The following TCF4 variants were observed in gnomAD, a reference collection of about 807,000 sequenced individuals.
TCF4 encodes the protein transcription factor 4.
TCF4 carries 3 observed loss-of-function variants against 82.1 expected under a neutral mutation model. The observed-to-expected ratio is 0.04, with a 90% confidence interval of 0.02 to 0.09. The LOEUF (loss-of-function observed/expected upper bound fraction) is 0.09. Among genes scored for constraint, TCF4 ranks in the 10% least tolerant of loss-of-function variants. The pLI is 1.00. For missense variants in TCF4, 518 were observed against 852.7 expected (o/e 0.61, Z 4.89); for synonymous variants, 276 against 309.6 (o/e 0.89, Z 1.14).
chr18:55,407,450 G>A (rs191788593), intron 5 of TCF4, among the ~76,000 whole-genome samples: 3 of 152,146 alleles, frequency 2.0e-5, no homozygotes, highest in Admixed American at 6.5e-5. Flanking sequence ...CCCGTCTACA[G>A]AACAAGTCGG....
intron 2 of TCF4, among the ~76,000 whole-genome samples, chr18:55,618,862 C>T (rs1198585370): frequency 2.0e-5 from 3 of 151,982 alleles, no homozygotes; most frequent in Admixed American, 2.0e-4. Context: ...GCTGGGTTTA[C>T]AGGTGTGAGT....
intron 8 of TCF4, among the ~76,000 whole-genome samples, chr18:55,284,891 T>C (rs1455917420): frequency 6.6e-6 from 1 of 152,188 alleles, no homozygotes; most frequent in Non-Finnish European, 1.5e-5. Context: ...TGAGTGCCAC[T>C]GATGTCCACA....
At chr18:55,488,391 G>T (rs1053575550) in intron 3 of TCF4, among the ~76,000 whole-genome samples, 8 of 151,990 alleles carry the variant, frequency 5.3e-5, no homozygotes, top group East Asian at 1.9e-4. Context: ...AGTGAAATTG[G>T]TTTTTTTAAA....
intron 6 of TCF4, among the ~76,000 whole-genome samples, chr18:55,392,330 T>C (rs1370423167): frequency 1.3e-5 from 2 of 151,806 alleles, no homozygotes; most frequent in South Asian, 2.1e-4. Context: ...TCAATACTGC[T>C]ACTACAAGCC....
chr18:55,519,700 G>C (rs1468687318), intron 3 of TCF4, among the ~76,000 whole-genome samples: 2 of 152,154 alleles, frequency 1.3e-5, no homozygotes, highest in Admixed American at 6.5e-5. Flanking sequence ...AGATACTCTA[G>C]GACCTTCACA....
At chr18:55,253,101 G>A (rs1014282424) in intron 15 of TCF4, among the ~76,000 whole-genome samples, 3 of 152,178 alleles carry the variant, frequency 2.0e-5, no homozygotes, top group Non-Finnish European at 4.4e-5. Context: ...CATTTTAGAT[G>A]TGAGTTCGTT....
upstream of TCF4, chr18:55,588,211 C>G: frequency 2.3e-6 from 3 of 1,330,014 alleles, no homozygotes; most frequent in Non-Finnish European, 2.9e-6. Flanking sequence ...AGCCAAGATC[C>G]CTGACTCTTA....
intron 5 of TCF4, among the ~76,000 whole-genome samples, chr18:55,422,711 C>T (rs912552464): frequency 6.6e-6 from 1 of 151,962 alleles, no homozygotes; most frequent in Admixed American, 6.6e-5. Flanking sequence ...GGAATGAAAC[C>T]GATCCAATCT....
chr18:55,228,471 G>T, intron 18 of TCF4, 110 bp from the exon 19 acceptor site: 1 of 1,432,242 alleles, frequency 7.0e-7, no homozygotes, highest in Non-Finnish European at 9.7e-7. Flanking sequence ...TTATATTACA[G>T]AACAAAAGGA....
intron 5 of TCF4, among the ~76,000 whole-genome samples, chr18:55,411,467 T>C (rs1314537175): frequency 6.6e-6 from 1 of 152,170 alleles, no homozygotes. Flanking sequence ...TAGTTTTTCA[T>C]ATAAAAATGA....
chr18:55,472,690 T>A (rs2958179), intron 3 of TCF4, among the ~76,000 whole-genome samples: 9 of 152,128 alleles, frequency 5.9e-5, no homozygotes, highest in Non-Finnish European at 8.8e-5. Context: ...GTAAACATTG[T>A]GAATTGCGTG....
chr18:55,399,840 T>C (rs1388755202), intron 6 of TCF4, among the ~76,000 whole-genome samples: 8 of 149,940 alleles, frequency 5.3e-5, no homozygotes, highest in Non-Finnish European at 1.2e-4. Flanking sequence ...TCTCTCTCTC[T>C]CTCTCTCTCC....
intron 8 of TCF4, among the ~76,000 whole-genome samples, chr18:55,305,070 T>C (rs949818987): frequency 2.6e-5 from 4 of 152,178 alleles, no homozygotes; most frequent in African/African-American, 9.7e-5. Context: ...TCAGTACCCA[T>C]TAATAAATCT....
At chr18:55,275,236 ACT>A (rs1271239750) in intron 10 of TCF4, among the ~76,000 whole-genome samples, 1 of 138,154 alleles carries the variant, frequency 7.2e-6, no homozygotes, top group East Asian at 2.2e-4. Flanking sequence ...ACCGACTGTC[ACT>A]CTGCCCTCTG....
chr18:55,585,986 G>C, intron 2 of TCF4: 2 of 1,332,364 alleles, frequency 1.5e-6, no homozygotes, highest in Admixed American at 3.0e-5. Flanking sequence ...CCCTGAGTCA[G>C]AGCCTGCAAA....
At chr18:55,577,029 C>G (rs1032952047) in intron 3 of TCF4, among the ~76,000 whole-genome samples, 2 of 148,946 alleles carry the variant, frequency 1.3e-5, no homozygotes, top group South Asian at 2.1e-4. Context: ...TCTATGTCCT[C>G]TAATTGCTAA....
intron 5 of TCF4, among the ~76,000 whole-genome samples, chr18:55,413,184 A>G (rs770106723): frequency 6.6e-6 from 1 of 152,200 alleles, no homozygotes; most frequent in Non-Finnish European, 1.5e-5. Flanking sequence ...ACATACATAA[A>G]CACACATATA....
chr18:55,346,475 T>C (rs1439261528), intron 8 of TCF4, among the ~76,000 whole-genome samples: 2 of 152,136 alleles, frequency 1.3e-5, no homozygotes, highest in Non-Finnish European at 2.9e-5. Flanking sequence ...CTCTGTACTT[T>C]AACGTAGAAA....
At chr18:55,278,963 C>G (rs555660598) in intron 9 of TCF4, among the ~76,000 whole-genome samples, 18 of 152,194 alleles carry the variant, frequency 1.2e-4, no homozygotes, top group Middle Eastern at 3.2e-3. Context: ...TTTAAACATA[C>G]TGGACAATTC....
Sources: gnomAD v4.1 joint callset for allele counts (sites outside exome capture counted in the v4.1 genomes callset) on GRCh38, gnomAD v4.1.1 for gene constraint, MANE v1.5 for transcripts, NCBI Gene and HGNC (gene_info 2026-07-23, HGNC 2026-07-21) for gene names.